The following CXCL13 variants were observed in gnomAD, a reference collection of about 807,000 sequenced individuals.
CXCL13 encodes the protein C-X-C motif chemokine ligand 13, also known as C-X-C motif chemokine 13.
Under a neutral mutation model 12.2 loss-of-function variants are expected in CXCL13, and 7 were observed. The ratio of observed to expected loss-of-function variants is 0.57; its 90% CI spans 0.33 to 1.07. CXCL13 has a LOEUF of 1.07. Among genes scored for constraint, CXCL13 ranks in the 50% least tolerant of loss-of-function variants. CXCL13 has a pLI of 0.04. For missense variants in CXCL13, 113 were observed against 127.4 expected, an observed-to-expected ratio of 0.89 and a Z score of 0.55; for synonymous variants, 47 against 42.4, an observed-to-expected ratio of 1.11 and a Z score of -0.42.
chr4:77,587,828 C>T (rs1003648581), intron 1 of CXCL13, among the ~76,000 whole-genome samples: 4 of 152,212 alleles, frequency 2.6e-5, no homozygotes, highest in African/African-American at 4.8e-5. Context: ...CTGTCTGGTA[C>T]GTTACCCTGC....
rs1179303628 is a variant in CXCL13, at chr4:77,610,602, AT to A, written c.198-8del. The A allele has an allele frequency of 1.3e-6, 2 of 1,593,602 alleles. No homozygotes were observed. The highest frequency in any genetic ancestry group is 1.7e-6 in the Non-Finnish European group (2 of 1,161,594). The stretch of plus-strand genomic sequence containing the variant: ...TGTAAGACTGAATTATTTAATTTTT[AT>A]TTTCCCCCAGAGTCTGGAAGAAGAA... On this transcript the variant is annotated splice_polypyrimidine_tract_variant and intron_variant, in intron 2 of 3. Transcript: ENST00000682537.
intron 1 of CXCL13, among the ~76,000 whole-genome samples, chr4:77,536,806 A>T (rs2109798267): frequency 6.6e-6 from 1 of 152,358 alleles, no homozygotes; most frequent in African/African-American, 2.4e-5. Context: ...GAAATTCTTT[A>T]AAAAGAATGA....
chr4:77,528,095 T>C (rs373089225), intron 1 of CXCL13, among the ~76,000 whole-genome samples: 1 of 152,174 alleles, frequency 6.6e-6, no homozygotes, highest in African/African-American at 2.4e-5. Context: ...CATGTCCCTA[T>C]AAAGAACATG....
At chr4:77,525,780 G>T (rs1280375816) in intron 1 of CXCL13, among the ~76,000 whole-genome samples, 1 of 152,124 alleles carries the variant, frequency 6.6e-6, no homozygotes, top group African/African-American at 2.4e-5. Context: ...CAGAAACTAT[G>T]CTGCAAGCAC....
At chr4:77,592,842 G>C (rs1002124878) in intron 1 of CXCL13, among the ~76,000 whole-genome samples, 1 of 152,256 alleles carries the variant, frequency 6.6e-6, no homozygotes, top group Admixed American at 6.5e-5. Flanking sequence ...GGCCTTTTCA[G>C]ATTTCATAGT....
chr4:77,552,188 T>C (rs2109807533), intron 1 of CXCL13, among the ~76,000 whole-genome samples: 1 of 152,344 alleles, frequency 6.6e-6, no homozygotes, highest in South Asian at 2.1e-4. Context: ...TGTCAGTTCC[T>C]TCTTACCTAG....
At chr4:77,579,588 A>C (rs1270036939) in intron 1 of CXCL13, among the ~76,000 whole-genome samples, 1 of 151,912 alleles carries the variant, frequency 6.6e-6, no homozygotes, top group Non-Finnish European at 1.5e-5. Flanking sequence ...TTTTACAGAC[A>C]CTCCTCTACT....
intron 1 of CXCL13, among the ~76,000 whole-genome samples, chr4:77,594,808 G>A (rs929686672): frequency 6.6e-6 from 1 of 152,266 alleles, no homozygotes; most frequent in East Asian, 1.9e-4. Flanking sequence ...TGCATGTGAG[G>A]CTTAATACCT....
intron 1 of CXCL13, among the ~76,000 whole-genome samples, chr4:77,599,110 G>T (rs1726833290): frequency 6.6e-6 from 1 of 152,086 alleles, no homozygotes. Context: ...CACCCGGCCA[G>T]CCCCAACACT....
intron 1 of CXCL13, among the ~76,000 whole-genome samples, chr4:77,569,395 C>A (rs1046680580): frequency 6.6e-6 from 1 of 152,158 alleles, no homozygotes; most frequent in Non-Finnish European, 1.5e-5. Context: ...GCTTCTTGAG[C>A]TGATAAACAA....
intron 1 of CXCL13, among the ~76,000 whole-genome samples, chr4:77,518,316 T>A (rs975804830): frequency 1.3e-5 from 2 of 152,174 alleles, no homozygotes; most frequent in African/African-American, 2.4e-5. Flanking sequence ...GCGTTCTCTG[T>A]ATTTCCCTAA....
At chr4:77,558,560 C>T (rs1725719579) in intron 1 of CXCL13, among the ~76,000 whole-genome samples, 1 of 152,152 alleles carries the variant, frequency 6.6e-6, no homozygotes, top group African/African-American at 2.4e-5. Context: ...ACCATGTTGG[C>T]CAGGCTGATT....
chr4:77,557,800 T>G (rs1485695307), intron 1 of CXCL13, among the ~76,000 whole-genome samples: 1 of 152,240 alleles, frequency 6.6e-6, no homozygotes, highest in Admixed American at 6.5e-5. Context: ...AGGAAAATTC[T>G]TATTGCTTCA....
At position 77,609,301 on chromosome 4, in the gene CXCL13, T is replaced by G. The variant is rs552073353; in HGVS notation, c.198-1313T>G. 2.8e-4 allele frequency among the ~76,000 whole-genome samples: 39 copies of G among 138,672 alleles called. No homozygotes were observed. In the South Asian group the frequency reaches 3.2e-3, roughly 11 times the overall value. The allele number at this position is 138,672 out of a possible 152,430, so 91.0% of individuals were successfully genotyped here. ...TTGTTTCTGTTTTTTGTGTTTTGGG[T>G]TTTTTTTTTGTTTTGTTTTGTTTTG... is the stretch of plus-strand genomic sequence containing the variant. On this transcript the variant is annotated intron_variant, in intron 2 of 3. Coordinates refer to ENST00000682537, the MANE Select transcript of CXCL13 (RefSeq NM_001371558.1).
rs1334620337 is a variant in CXCL13 at position 77,611,138 on chromosome 4, C to T, written c.*99C>T. 2 of 1,017,336 alleles carry T rather than the reference C, an allele frequency of 2.0e-6. No homozygotes were observed. The highest frequency in any genetic ancestry group is 4.1e-5 in the Admixed American group (2 of 48,442). The allele number at this position is 1,017,336 out of a possible 1,614,324, so 63.0% of individuals were successfully genotyped here. On this transcript the variant is annotated 3_prime_UTR_variant, in exon 4 of 4. Transcript: ENST00000682537. ...AAATCTTTTCCAGGAAAAAGAACTT[C>T]CCCATACAAATAAGCATGAGACTAT...
chr4:77,522,327 T>C (rs2110080657), intron 1 of CXCL13, among the ~76,000 whole-genome samples: 1 of 152,110 alleles, frequency 6.6e-6, no homozygotes, highest in Non-Finnish European at 1.5e-5. Context: ...CTAAGTCTCT[T>C]TGTAGGTCTC....
In CXCL13 at chr4:77,526,778, C is replaced by G. The variant is rs941256250; in HGVS notation, c.-43+14990C>G. Among the ~76,000 whole-genome samples, 7 of 152,228 alleles carry G rather than the reference C, an allele frequency of 4.6e-5. No homozygotes were observed. In the East Asian group the frequency reaches 1.4e-3, roughly 29 times the overall value. ...AACAGAGCCATCAAAGAGGAACACA[C>G]AGGACTGGCTTAGGGAGGCCAGGGA... On this transcript the variant is annotated intron_variant, in intron 1 of 4. Transcript: ENST00000286758.
At chr4:77,512,898 A>C (rs993103243) in intron 1 of CXCL13, among the ~76,000 whole-genome samples, 1 of 152,056 alleles carries the variant, frequency 6.6e-6, no homozygotes, top group African/African-American at 2.4e-5. Context: ...CATTTACGTT[A>C]GGTATTTCTC....
rs548130181 is a variant in CXCL13, at chr4:77,584,025, C to T, written c.-42-21799C>T. ...CAAGGTAAGACCCAGTGGAAATGGG[C>T]TAAGGATGCCACTGAGATTGTTCTC... On this transcript the variant is annotated intron_variant, in intron 1 of 4. Transcript: ENST00000286758. 2.6e-5 allele frequency among the ~76,000 whole-genome samples: 4 copies of T among 152,236 alleles called. No homozygotes were observed. In the East Asian group the frequency reaches 7.7e-4, roughly 29 times the overall value.
Sources: allele counts gnomAD v4.1 joint callset (sites outside exome capture counted in the v4.1 genomes callset), GRCh38; gene constraint gnomAD v4.1.1; transcripts MANE v1.5; gene names NCBI Gene and HGNC (gene_info 2026-07-23, HGNC 2026-07-21).